The following HDAC4 variants were observed in gnomAD, a reference collection of about 807,000 sequenced individuals.
The protein encoded by HDAC4 is histone deacetylase 4, also known as histone deacetylase A.
HDAC4 carries 16 observed loss-of-function variants against 135.1 expected under a neutral mutation model. The ratio of observed to expected loss-of-function variants is 0.12; its 90% CI spans 0.08 to 0.18. The LOEUF is 0.18. Among genes scored for constraint, HDAC4 ranks in the 10% least tolerant of loss-of-function variants. The pLI, the probability that HDAC4 is intolerant of heterozygous loss-of-function variation, is 1.00. For synonymous variants in HDAC4, 685 were observed against 653.4 expected (o/e 1.05, Z -0.74); for missense variants, 1,143 against 1,511.8 (o/e 0.76, Z 4.05).
intron 2 of HDAC4, among the ~76,000 whole-genome samples, chr2:239,269,579 T>C (rs545126983): frequency 1.3e-5 from 2 of 152,340 alleles, no homozygotes; most frequent in East Asian, 3.9e-4. Flanking sequence ...GAGGCCCTGC[T>C]GGCCTCCTGG....
intron 3 of HDAC4, among the ~76,000 whole-genome samples, chr2:239,197,122 G>A (rs572177505): frequency 6.6e-6 from 1 of 152,292 alleles, no homozygotes; most frequent in Admixed American, 6.5e-5. Context: ...TCAGGCTCCA[G>A]CTGTGTCTTA....
intron 2 of HDAC4, among the ~76,000 whole-genome samples, chr2:239,345,130 C>T (rs1692527943): frequency 1.3e-5 from 2 of 152,178 alleles, no homozygotes; most frequent in South Asian, 4.1e-4. Context: ...TCATTACCTC[C>T]CGCCACCTTG....
chr2:239,075,467 G>T (rs2034648678), intron 22 of HDAC4, among the ~76,000 whole-genome samples: 1 of 152,138 alleles, frequency 6.6e-6, no homozygotes, highest in South Asian at 2.1e-4. Flanking sequence ...GGAAAGAGGG[G>T]ATCTTTAGAG....
chr2:239,083,482 C>T (rs1011159890), intron 20 of HDAC4, among the ~76,000 whole-genome samples: 3 of 152,210 alleles, frequency 2.0e-5, no homozygotes, highest in African/African-American at 7.2e-5. Flanking sequence ...AAATCATAAC[C>T]CTACCTGACA....
chr2:239,361,022 G>A (rs1008297403), intron 1 of HDAC4, among the ~76,000 whole-genome samples: 3 of 152,122 alleles, frequency 2.0e-5, no homozygotes, highest in South Asian at 2.1e-4. Context: ...GCTCCTGATC[G>A]CCCCACCCCA....
At position 239,300,576 on chromosome 2, in the gene HDAC4, T is replaced by C. The variant is rs183213143; in HGVS notation, c.22+52102A>G. Among the ~76,000 whole-genome samples, 870 of 151,490 alleles carry C rather than the reference T, an allele frequency of 5.7e-3. 5 individuals carry two copies. Among genetic ancestry groups the C allele is most frequent in the Middle Eastern group, 0.017 (5 of 292 alleles). On this transcript the variant is annotated intron_variant, in intron 2 of 26. Transcript: ENST00000543185. ...CAGTGTCTTTTCCTCTTTTTCCAAA[T>C]GAGCAGGAAAAAAAAAAAATTCCCA...
intron 1 of HDAC4, among the ~76,000 whole-genome samples, chr2:239,365,191 G>A (rs1694110609): frequency 6.6e-6 from 1 of 152,216 alleles, no homozygotes. Flanking sequence ...AATGTGGAGT[G>A]TAAGGTCTGG....
intron 9 of HDAC4, among the ~76,000 whole-genome samples, chr2:239,137,778 A>AG (rs1325872819): frequency 6.6e-6 from 1 of 152,216 alleles, no homozygotes; most frequent in African/African-American, 2.4e-5. Context: ...AAACCCAGAA[A>AG]GGGCGCCTGG....
intron 14 of HDAC4, among the ~76,000 whole-genome samples, chr2:239,110,055 TGA>T (rs982496028): frequency 2.6e-5 from 4 of 152,172 alleles, no homozygotes; most frequent in Admixed American, 2.0e-4. Context: ...GGAAGATGGC[TGA>T]GAGTGTGAGG....
intron 24 of HDAC4, among the ~76,000 whole-genome samples, chr2:239,059,493 A>T (rs1366256501): frequency 6.6e-6 from 1 of 152,216 alleles, no homozygotes; most frequent in Non-Finnish European, 1.5e-5. Flanking sequence ...GGCAGAGCAG[A>T]GACGTGAAAG....
At chr2:239,100,438 T>C (rs2037507513) in intron 16 of HDAC4, among the ~76,000 whole-genome samples, 1 of 152,250 alleles carries the variant, frequency 6.6e-6, no homozygotes, top group Non-Finnish European at 1.5e-5. Context: ...CCTTTTCCAC[T>C]GAACTTGTCC....
intron 2 of HDAC4, among the ~76,000 whole-genome samples, chr2:239,248,649 G>C (rs553796628): frequency 6.6e-6 from 1 of 152,288 alleles, no homozygotes; most frequent in African/African-American, 2.4e-5. Flanking sequence ...ACGATGGTCA[G>C]GCACTTATCT....
intron 22 of HDAC4, among the ~76,000 whole-genome samples, chr2:239,071,036 C>T (rs767274798): frequency 2.6e-5 from 4 of 151,278 alleles, no homozygotes; most frequent in Non-Finnish European, 2.9e-5. Context: ...AGGTGGATGC[C>T]TAATGGTTTC....
intron 16 of HDAC4, among the ~76,000 whole-genome samples, chr2:239,101,678 C>G (rs928694730): frequency 6.6e-6 from 1 of 152,166 alleles, no homozygotes; most frequent in African/African-American, 2.4e-5. Flanking sequence ...TTCAGGGTGG[C>G]TGGGAGGCAG....
At chr2:239,261,300 G>C (rs1434498270) in intron 2 of HDAC4, among the ~76,000 whole-genome samples, 4 of 152,194 alleles carry the variant, frequency 2.6e-5, no homozygotes, top group Non-Finnish European at 5.9e-5. Context: ...CACGAGCCCA[G>C]GTAACACGCT....
intron 1 of HDAC4, among the ~76,000 whole-genome samples, chr2:239,381,584 T>A (rs150148387): frequency 6.6e-6 from 1 of 152,246 alleles, no homozygotes. Context: ...TCTATGACTG[T>A]ACAGTGGAAC....
chr2:239,094,913 C>T, intron 17 of HDAC4, 97 bp downstream of exon 17: 1 of 1,606,718 alleles, frequency 6.2e-7, no homozygotes, highest in Non-Finnish European at 8.5e-7. Flanking sequence ...CACCTGGCAG[C>T]AATTATTCAC....
At chr2:239,101,839 C>T (rs1007070681) in intron 16 of HDAC4, among the ~76,000 whole-genome samples, 7 of 151,288 alleles carry the variant, frequency 4.6e-5, no homozygotes, top group Admixed American at 2.0e-4. Flanking sequence ...TGGGAGCCCC[C>T]GGCCCCGGGT....
chr2:239,052,525 T>C lies in HDAC4; in HGVS notation c.*572A>G, dbSNP rs1038669071. ...GTTTTGTTTTCTTTAAAGGTCCCTC[T>C]GTCCCCCACCCGGGTGCAGACCCCC... On this transcript the variant is annotated 3_prime_UTR_variant, in exon 27 of 27. Transcript: ENST00000543185. 2 of 152,090 alleles carry C rather than the reference T, an allele frequency of 1.3e-5. No individual in the cohort carries two copies. Among genetic ancestry groups the C allele is most frequent in the African/African-American group, 5.0e-5 (2 of 40,282 alleles). 9.4% of individuals were successfully genotyped at this position (152,090 alleles called of 1,614,324 possible).
Sources: gnomAD v4.1 joint callset for allele counts (sites outside exome capture counted in the v4.1 genomes callset) on GRCh38, gnomAD v4.1.1 for gene constraint, MANE v1.5 for transcripts, NCBI Gene and HGNC (gene_info 2026-07-23, HGNC 2026-07-21) for gene names.